STARD10: variants seen among roughly 807,000 people sequenced by gnomAD.
STARD10 encodes the protein StAR related lipid transfer domain containing 10.
STARD10 carries 24 observed loss-of-function variants against 36.0 expected under a neutral mutation model. The ratio of observed to expected loss-of-function variants is 0.67; its 90% CI spans 0.48 to 0.94. The LOEUF (loss-of-function observed/expected upper bound fraction) is 0.94. Ranked by LOEUF, STARD10 falls within the 40% of genes least tolerant of loss-of-function variation. STARD10 has a pLI of 0.00. For missense variants in STARD10, 335 were observed against 396.6 expected (o/e 0.84, Z 1.32); for synonymous variants, 156 against 161.9 (o/e 0.96, Z 0.28).
Position 72,781,163 on chromosome 11 carries a change from A to G in STARD10, c.19T>C (p.Ser7Pro), listed in dbSNP as rs1858990540. The change falls in exon 2 of 7, where the codon TCT (serine) becomes CCT (proline). Residue 7 changes from serine to proline, a missense_variant. Coordinates refer to ENST00000334805, the MANE Select transcript of STARD10 (RefSeq NM_006645.3). The surrounding 1 kb of genome is among the most constrained non-coding windows in gnomAD (Gnocchi z 4.7). MEKLAA[S>P]TEPQGPRPVL... ...GGCCGAGGCCCTTGGGGCTCTGTAGAGGCCGCCAGCTTCTCCATGGGGAGT... is the reference window on the plus strand; with the variant it reads ...GGCCGAGGCCCTTGGGGCTCTGTAGGGGCCGCCAGCTTCTCCATGGGGAGT... The G allele has an allele frequency of 6.2e-7, 1 of 1,611,254 alleles. No homozygotes were observed. Among genetic ancestry groups the G allele is most frequent in the African/African-American group, 1.3e-5 (1 of 74,912 alleles).
intron 1 of STARD10, among the ~76,000 whole-genome samples, chr11:72,792,279 C>T (rs925407386): frequency 2.1e-4 from 32 of 151,968 alleles, no homozygotes; most frequent in African/African-American, 6.8e-4. Flanking sequence ...TGATCTCAAC[C>T]CCCAACCTCA....
chr11:72,758,202 A>G (rs1378602521), intron 4 of STARD10, among the ~76,000 whole-genome samples: 6 of 152,198 alleles, frequency 3.9e-5, no homozygotes, highest in Admixed American at 3.3e-4. Context: ...GTCCTTGCCC[A>G]GGGAGATCAA....
chr11:72,758,530 G>T lies in STARD10; in HGVS notation c.459C>A (p.Pro153=). Residue 153 remains proline (P), a splice_region_variant and synonymous_variant, in exon 4 of 7, where the codon CCC becomes CCA. Transcript: ENST00000334805. ...CCGCAGGGAAGGCAGGTTGACTCAC[G>T]GGATGTTTGACTGAGTAGTTCATAA... ...YIIMNYSVKH[P]KYPPRKDLVR... 6.2e-7 allele frequency: 1 copy of T among 1,613,016 alleles called. No homozygotes were observed. Among genetic ancestry groups the T allele is most frequent in the Non-Finnish European group, 8.5e-7 (1 of 1,179,182 alleles).
Position 72,780,248 on chromosome 11 carries a change from A to G in STARD10, c.207+727T>C, listed in dbSNP as rs1261689298. The G allele has an allele frequency of 1.5e-5, 6 of 401,774 alleles. No individual in the cohort carries two copies. In the East Asian group the frequency reaches 4.4e-4, roughly 30 times the overall value. The allele number at this position is 401,774 out of a possible 1,614,324, so 24.9% of individuals were successfully genotyped here. ...CCCAAGCCTGCCCTGCACGGCAAAG[A>G]GAGGAGAATTGTGGGGTTGGGAAGA... On this transcript the variant is annotated intron_variant, in intron 2 of 6. Transcript: ENST00000334805.
chr11:72,770,362 T>A lies in STARD10; in HGVS notation c.207+10613A>T, dbSNP rs551985970. Among the ~76,000 whole-genome samples, 5 of 152,162 alleles carry A rather than the reference T, an allele frequency of 3.3e-5. No individual in the cohort carries two copies. The East Asian group carries it at 9.7e-4, about 29-fold the overall frequency. On this transcript the variant is annotated intron_variant, in intron 2 of 6. Coordinates refer to ENST00000334805, the MANE Select transcript of STARD10 (RefSeq NM_006645.3). ...CCACCTGAGTAGCTGGGATTACAGGTGTGTGCCATCGCGCCCGGCTAATTT... is the reference window on the plus strand; with the variant it reads ...CCACCTGAGTAGCTGGGATTACAGGAGTGTGCCATCGCGCCCGGCTAATTT...
At chr11:72,786,258 A>C (rs1402455182) in intron 1 of STARD10, among the ~76,000 whole-genome samples, 1 of 152,162 alleles carries the variant, frequency 6.6e-6, no homozygotes, top group Non-Finnish European at 1.5e-5. Flanking sequence ...AGGCTGAGGC[A>C]AGAGGATGGC....
intron 1 of STARD10, among the ~76,000 whole-genome samples, chr11:72,791,470 C>T (rs770068170): frequency 3.3e-5 from 5 of 151,980 alleles, no homozygotes; most frequent in Non-Finnish European, 7.4e-5. Context: ...TTTGGGAGGC[C>T]GCGAATGGAT....
chr11:72,793,623 A>C lies in STARD10; in HGVS notation c.-862T>G, dbSNP rs1220907851. On this transcript the variant is annotated 5_prime_UTR_variant, in exon 1 of 7. Coordinates refer to ENST00000334805, the MANE Select transcript of STARD10 (RefSeq NM_006645.3). The stretch of plus-strand genomic sequence containing the variant: ...TCATAAAAGAAAGGACCACAGAACG[A>C]TGACTGGACCGTTAGGTTACTATTT... The C allele has an allele frequency of 6.6e-6, 1 of 152,272 alleles. No homozygotes were observed. The highest frequency in any genetic ancestry group is 1.5e-5 in the Non-Finnish European group (1 of 68,044). 9.4% of individuals were successfully genotyped at this position (152,272 alleles called of 1,614,324 possible). A position where few individuals can be genotyped will look rare whatever the true frequency, so the allele number is the denominator to read the frequency against.
chr11:72,760,270 A>G (rs1334547667), intron 2 of STARD10, among the ~76,000 whole-genome samples: 3 of 151,864 alleles, frequency 2.0e-5, no homozygotes, highest in Non-Finnish European at 4.4e-5. Context: ...CTTGTTGCCC[A>G]GGCTGGAGTA....
At position 72,759,385 on chromosome 11, in the gene STARD10, C is replaced by G. The variant is rs372425829; in HGVS notation, c.208-4G>C. ...CATCACAGCACTCCATCCGGCACTG[C>G]AGACAAGATATATGGGTTGTCAGGA... On this transcript the variant is annotated splice_polypyrimidine_tract_variant and splice_region_variant and intron_variant, in intron 2 of 6. Transcript: ENST00000334805. 88 of 1,613,664 alleles carry G rather than the reference C, an allele frequency of 5.5e-5. No homozygotes were observed. Among genetic ancestry groups the G allele is most frequent in the Non-Finnish European group, 7.1e-5 (84 of 1,179,916 alleles).
chr11:72,762,162 G>A (rs1448193638), intron 2 of STARD10, among the ~76,000 whole-genome samples: 1 of 151,720 alleles, frequency 6.6e-6, no homozygotes, highest in African/African-American at 2.4e-5. Context: ...CTGACCTCAG[G>A]TGATCCTCCC....
At position 72,781,089 on chromosome 11, in the gene STARD10, G is replaced by A; in HGVS notation, c.93C>T (p.Arg31=). 1 of 1,614,072 alleles carries A rather than the reference G, an allele frequency of 6.2e-7. No homozygotes were observed. Among genetic ancestry groups the A allele is most frequent in the Non-Finnish European group, 8.5e-7 (1 of 1,180,028 alleles). The change falls in exon 2 of 7, where the codon CGC becomes CGT. Residue 31 remains arginine, a synonymous_variant. Transcript: ENST00000334805. The surrounding 1 kb of genome is among the most constrained non-coding windows in gnomAD (Gnocchi z 4.7). ...CAGCCTCACACTCTGACCGGAAGCT[G>A]CGAAAGTCTTGGTCATCGGGCACCT... ...SVQVPDDQDF[R]SFRSECEAEV... is the part of the protein sequence containing the mutation.
chr11:72,779,903 G>A (rs1858970345), intron 2 of STARD10, among the ~76,000 whole-genome samples: 2 of 152,206 alleles, frequency 1.3e-5, no homozygotes, highest in African/African-American at 4.8e-5. Flanking sequence ...GAGGGGAAAG[G>A]TCAGACATCT....
Position 72,791,431 on chromosome 11 carries a change from G to A in STARD10, c.-114+1444C>T, listed in dbSNP as rs184605525. Reference sequence around the variant, plus strand: ...TAATAGAGTCCTTTTCTGGCCGGGCGTGGTGACTCATGCCCATAATCCCAG... The same window carrying A: ...TAATAGAGTCCTTTTCTGGCCGGGCATGGTGACTCATGCCCATAATCCCAG... On this transcript the variant is annotated intron_variant, in intron 1 of 6. Coordinates refer to ENST00000334805, the MANE Select transcript of STARD10 (RefSeq NM_006645.3). 9.2e-5 allele frequency among the ~76,000 whole-genome samples: 14 copies of A among 152,268 alleles called. 2 individuals carry two copies. The highest frequency in any genetic ancestry group is 2.4e-4 in the African/African-American group (10 of 41,560).
At chr11:72,792,492 AAGAGCACTCT>A (rs1313309452) in intron 1 of STARD10, among the ~76,000 whole-genome samples, 2 of 151,196 alleles carry the variant, frequency 1.3e-5, no homozygotes, top group African/African-American at 4.9e-5. Context: ...CAAAACCTCT[AAGAGCACTCT>A]AGAGAGAATC....
chr11:72,789,492 C>T (rs534029376), intron 1 of STARD10, among the ~76,000 whole-genome samples: 2 of 152,280 alleles, frequency 1.3e-5, no homozygotes, highest in East Asian at 1.9e-4. Flanking sequence ...AGCAGAGCTG[C>T]GAAAGGCCTG....
rs1356938313 is a variant in STARD10 at position 72,781,496 on chromosome 11, G to A, written c.-113-202C>T. ...GGCGTGGGGACTGCGTATGGGACGC[G>A]GTGGCCGGCGGGCGCCCGTCGGGAC... On this transcript the variant is annotated intron_variant, in intron 1 of 6. Transcript: ENST00000334805. This position sits in a 1 kb window ranked among gnomAD's most constrained non-coding sequence, Gnocchi z 4.7. Among the ~76,000 whole-genome samples, 1 of 151,670 alleles carries A rather than the reference G, an allele frequency of 6.6e-6. No individual in the cohort carries two copies. The highest frequency in any genetic ancestry group is 2.4e-5 in the African/African-American group (1 of 41,364).
chr11:72,767,514 A>G (rs929823429), intron 2 of STARD10, among the ~76,000 whole-genome samples: 4 of 152,166 alleles, frequency 2.6e-5, no homozygotes, highest in Non-Finnish European at 4.4e-5. Context: ...ACTTTCTGCT[A>G]CCTTCACCAA....
intron 1 of STARD10, among the ~76,000 whole-genome samples, chr11:72,788,192 G>A (rs1303251391): frequency 6.6e-6 from 1 of 152,202 alleles, no homozygotes; most frequent in Non-Finnish European, 1.5e-5. Context: ...TTTGGGGTAG[G>A]GTCTTCTCTC....
Sources: gnomAD v4.1 joint callset for allele counts (sites outside exome capture counted in the v4.1 genomes callset) on GRCh38, gnomAD v4.1.1 for gene constraint, Gnocchi (gnomAD v3.1) non-coding constraint, MANE v1.5 for transcripts, NCBI Gene and HGNC (gene_info 2026-07-23, HGNC 2026-07-21) for gene names.